SLC24A2: variants seen among roughly 807,000 people sequenced by gnomAD.
SLC24A2 encodes sodium/potassium/calcium exchanger 2.
SLC24A2 carries 36 observed loss-of-function variants against 62.0 expected under a neutral mutation model. The observed-to-expected ratio is 0.58, with a 90% CI of 0.44 to 0.77. SLC24A2 has a LOEUF of 0.77. SLC24A2 is among the 30% of genes least tolerant of loss of function. SLC24A2 has a pLI of 0.00. For missense variants in SLC24A2, 846 were observed against 817.9 expected (o/e 1.03, Z -0.42); for synonymous variants, 358 against 294.0 (o/e 1.22, Z -2.23).
At chr9:20,307,421 A>G in the SLC24A2 span, among the ~76,000 whole-genome samples, 1 of 152,250 alleles carries the variant, frequency 6.6e-6, no homozygotes, top group Non-Finnish European at 1.5e-5. Flanking sequence ...CTGAAAACCA[A>G]TTCCACCCAC....
chr9:19,961,590 C>CT, the SLC24A2 span, among the ~76,000 whole-genome samples: 5 of 152,326 alleles, frequency 3.3e-5, 1 homozygote, highest in South Asian at 1.0e-3. Flanking sequence ...CAGGTAACCT[C>CT]TAAGATGCCC....
the SLC24A2 span, among the ~76,000 whole-genome samples, chr9:20,303,838 C>A: frequency 6.6e-6 from 1 of 152,170 alleles, no homozygotes; most frequent in African/African-American, 2.4e-5. Flanking sequence ...CTAGTCTTTG[C>A]ATCTTATCTG....
At chr9:19,702,771 A>G (rs558227446) in intron 2 of SLC24A2, among the ~76,000 whole-genome samples, 18 of 152,166 alleles carry the variant, frequency 1.2e-4, no homozygotes, top group Non-Finnish European at 2.4e-4. Context: ...ACCTTTTAAA[A>G]TTTAAATGTT....
intron 2 of SLC24A2, among the ~76,000 whole-genome samples, chr9:19,686,311 A>C (rs1819879284): frequency 6.6e-6 from 1 of 152,150 alleles, no homozygotes; most frequent in African/African-American, 2.4e-5. Context: ...TGTTGGTGGA[A>C]ATGTTAATTA....
chr9:20,278,666 A>C, the SLC24A2 span, among the ~76,000 whole-genome samples: 1 of 152,212 alleles, frequency 6.6e-6, no homozygotes, highest in Non-Finnish European at 1.5e-5. Flanking sequence ...GAAGTTCCAG[A>C]CTTTCCCACA....
chr9:20,112,446 T>C, the SLC24A2 span, among the ~76,000 whole-genome samples: 1 of 152,214 alleles, frequency 6.6e-6, no homozygotes, highest in African/African-American at 2.4e-5. Context: ...TTTATGGGAA[T>C]GCAGTTTAAG....
intron 2 of SLC24A2, among the ~76,000 whole-genome samples, chr9:19,667,770 G>A (rs977249212): frequency 3.3e-5 from 5 of 152,124 alleles, no homozygotes; most frequent in African/African-American, 1.2e-4. Flanking sequence ...GCCTGCACTT[G>A]GTATTCCAGC....
chr9:19,664,379 A>G lies in SLC24A2; in HGVS notation c.931-42080T>C, dbSNP rs554899764. 2.6e-5 allele frequency among the ~76,000 whole-genome samples: 4 copies of G among 152,372 alleles called. No individual in the cohort carries two copies. The South Asian group carries it at 8.3e-4, about 32-fold the overall frequency. ...TGGCTGTAAAGCAGCTGCCATTTAC[A>G]GCATGGTATCTGTGAGGCAGGCGCT... On this transcript the variant is annotated intron_variant, in intron 2 of 10. Coordinates refer to ENST00000341998, the MANE Select transcript of SLC24A2 (RefSeq NM_020344.4).
At chr9:19,709,404 G>A (rs893726111) in intron 2 of SLC24A2, among the ~76,000 whole-genome samples, 3 of 152,056 alleles carry the variant, frequency 2.0e-5, no homozygotes, top group Non-Finnish European at 4.4e-5. Context: ...CCCATTACTG[G>A]GTATATACCC....
rs143971751 is a variant in SLC24A2, at chr9:19,620,552, G to A, written c.970-860C>T. Among the ~76,000 whole-genome samples, 16 of 152,328 alleles carry A rather than the reference G, an allele frequency of 1.1e-4. No individual in the cohort carries two copies. In the East Asian group the frequency reaches 2.9e-3, roughly 28 times the overall value. ...ACTGGTACGTGACAAGGAAGAATGA[G>A]TATCTAGAGATAAGGTTACTGACAA... On this transcript the variant is annotated intron_variant, in intron 3 of 10. Coordinates refer to ENST00000341998, the MANE Select transcript of SLC24A2 (RefSeq NM_020344.4).
chr9:19,556,675 A>G (rs1835101166), intron 7 of SLC24A2, among the ~76,000 whole-genome samples: 1 of 152,128 alleles, frequency 6.6e-6, no homozygotes, highest in Admixed American at 6.5e-5. Flanking sequence ...GCTACCTCTT[A>G]TCATTGGGAA....
chr9:19,567,403 G>A (rs554550377), intron 7 of SLC24A2, among the ~76,000 whole-genome samples: 9 of 151,402 alleles, frequency 5.9e-5, no homozygotes, highest in South Asian at 4.2e-4. Context: ...AAAATTAGCC[G>A]GGTGTGGTGG....
At chr9:19,735,300 C>T (rs565001402) in intron 2 of SLC24A2, among the ~76,000 whole-genome samples, 153 of 152,226 alleles carry the variant, frequency 1.0e-3, no homozygotes, top group South Asian at 2.1e-3. Flanking sequence ...ATCAAAACCA[C>T]AACGAGATAC....
At chr9:19,722,499 A>T (rs115707789) in intron 2 of SLC24A2, among the ~76,000 whole-genome samples, 5 of 152,078 alleles carry the variant, frequency 3.3e-5, no homozygotes, top group Non-Finnish European at 7.4e-5. Flanking sequence ...TTGGTTTGTA[A>T]TTCTGATGGT....
At chr9:19,729,194 A>G (rs1187453416) in intron 2 of SLC24A2, among the ~76,000 whole-genome samples, 3 of 151,548 alleles carry the variant, frequency 2.0e-5, no homozygotes, top group African/African-American at 7.3e-5. Flanking sequence ...GTATCATTTC[A>G]CCCCAGTTAG....
chr9:19,577,067 A>G (rs1430965394), intron 5 of SLC24A2, 45 bp from the exon 6 acceptor site: 3 of 1,507,596 alleles, frequency 2.0e-6, no homozygotes, highest in East Asian at 2.3e-5. Flanking sequence ...ATGAGAAAGA[A>G]GAGAGTCTCA....
At position 19,589,968 on chromosome 9, in the gene SLC24A2, A is replaced by G. The variant is rs373633489; in HGVS notation, c.1129+7261T>C. Among the ~76,000 whole-genome samples the G allele has an allele frequency of 1.6e-3, 250 of 152,232 alleles. 1 individual carries two copies. The highest frequency in any genetic ancestry group is 5.8e-3 in the African/African-American group (239 of 41,532). On this transcript the variant is annotated intron_variant, in intron 5 of 10. Transcript: ENST00000341998. ...ACTCCCTTCTGAGGCAGGCCATTCC[A>G]TCTTTGGATATGTCTGTAGGAGAGG...
the SLC24A2 span, among the ~76,000 whole-genome samples, chr9:20,102,151 A>C: frequency 6.6e-6 from 1 of 152,192 alleles, no homozygotes; most frequent in African/African-American, 2.4e-5. Context: ...AAAGAGTTGG[A>C]GCCTAAACCT....
rs1039391259 is a variant in SLC24A2 at position 19,507,846 on chromosome 9, C to A, written c.*8307G>T. On this transcript the variant is annotated 3_prime_UTR_variant, in exon 11 of 11. Transcript: ENST00000341998. ...TTACAATGCTCCTTTAAAACGGAGG[C>A]GAACAAAGGAAGCATGAGACCACGT... The A allele has an allele frequency of 1.3e-5, 2 of 152,006 alleles. No homozygotes were observed. The highest frequency in any genetic ancestry group is 4.8e-5 in the African/African-American group (2 of 41,386). 9.4% of individuals were successfully genotyped at this position (152,006 alleles called of 1,614,324 possible).
Sources: gnomAD v4.1 joint callset for allele counts (sites outside exome capture counted in the v4.1 genomes callset) on GRCh38, gnomAD v4.1.1 for gene constraint, MANE v1.5 for transcripts, NCBI Gene and HGNC (gene_info 2026-07-23, HGNC 2026-07-21) for gene names.